CLSTN2: variants seen among roughly 807,000 people sequenced by gnomAD.
CLSTN2 encodes the protein calsyntenin 2.
CLSTN2 carries 48 observed loss-of-function variants against 101.2 expected under a neutral mutation model. The ratio of observed to expected loss-of-function variants is 0.47; its 90% confidence interval spans 0.38 to 0.60. CLSTN2 has a LOEUF of 0.60. Ranked by LOEUF, CLSTN2 falls within the 20% of genes least tolerant of loss-of-function variation. CLSTN2 has a pLI of 0.00. For synonymous variants in CLSTN2, 481 were observed against 463.6 expected (o/e 1.04, Z -0.48); for missense variants, 1,160 against 1,238.2 (o/e 0.94, Z 0.95).
At chr3:140,273,199 C>T (rs1040660400) in intron 2 of CLSTN2, among the ~76,000 whole-genome samples, 2 of 151,754 alleles carry the variant, frequency 1.3e-5, no homozygotes, top group Non-Finnish European at 2.9e-5. Context: ...CAACACATAC[C>T]GGAACCTGTC....
intron 1 of CLSTN2, among the ~76,000 whole-genome samples, chr3:139,965,581 C>A (rs1935585577): frequency 6.6e-6 from 1 of 152,048 alleles, no homozygotes; most frequent in Non-Finnish European, 1.5e-5. Flanking sequence ...CTAGCTATGT[C>A]ATATTGTATC....
In CLSTN2 at chr3:140,183,394, G is replaced by T. The variant is rs115567902; in HGVS notation, c.232+7321G>T. On this transcript the variant is annotated intron_variant, in intron 2 of 16. Transcript: ENST00000458420. ...GAGTGAGTTGGTCACTCTAACAGGA[G>T]ACATGTGGAGTTTCAGGTTAGAACA... 4.1e-3 allele frequency among the ~76,000 whole-genome samples: 628 copies of T among 152,298 alleles called. 3 individuals are homozygous for T. Among genetic ancestry groups the T allele is most frequent in the African/African-American group, 0.014 (594 of 41,552 alleles).
intron 10 of CLSTN2, among the ~76,000 whole-genome samples, chr3:140,547,826 A>G (rs998716195): frequency 6.6e-6 from 1 of 152,128 alleles, no homozygotes; most frequent in Non-Finnish European, 1.5e-5. Flanking sequence ...GTGTGAAAAA[A>G]CAGTCCCTCG....
chr3:140,561,143 C>G (rs1030122267), intron 12 of CLSTN2, among the ~76,000 whole-genome samples: 8 of 151,868 alleles, frequency 5.3e-5, no homozygotes, highest in Admixed American at 4.6e-4. Flanking sequence ...ATTTAGTACA[C>G]TTTATAAATA....
intron 4 of CLSTN2, among the ~76,000 whole-genome samples, chr3:140,420,538 C>T (rs1016003780): frequency 6.6e-6 from 1 of 152,184 alleles, no homozygotes; most frequent in Non-Finnish European, 1.5e-5. Context: ...GTTACTTGGT[C>T]TCTCTTAGAG....
Position 140,566,559 on chromosome 3 carries a change from T to G in CLSTN2, c.*306T>G, listed in dbSNP as rs368230243. The G allele has an allele frequency of 5.4e-4, 213 of 393,512 alleles. 1 individual carries two copies. The East Asian group carries it at 9.8e-3, about 18-fold the overall frequency. 24.4% of individuals were successfully genotyped at this position (393,512 alleles called of 1,614,324 possible). On this transcript the variant is annotated 3_prime_UTR_variant, in exon 17 of 17. Transcript: ENST00000458420. ...TGCAGAGTTTGCCTTTGTTTTTTCC[T>G]GCAGGGAAGAAGGCCCACCTTTGTG...
intron 9 of CLSTN2, among the ~76,000 whole-genome samples, chr3:140,532,690 T>C (rs976993035): frequency 2.0e-5 from 3 of 152,244 alleles, no homozygotes; most frequent in Non-Finnish European, 4.4e-5. Flanking sequence ...GGCCAGATTT[T>C]GATTTTTAGA....
chr3:139,968,919 T>C (rs1384047631), intron 1 of CLSTN2, among the ~76,000 whole-genome samples: 1 of 152,234 alleles, frequency 6.6e-6, no homozygotes, highest in Non-Finnish European at 1.5e-5. Context: ...AACTTTAAGC[T>C]ATAAAAGACA....
chr3:140,564,894 T>C (rs1412960098), intron 16 of CLSTN2, among the ~76,000 whole-genome samples: 1 of 152,114 alleles, frequency 6.6e-6, no homozygotes, highest in African/African-American at 2.4e-5. Context: ...TGGGTTCTGG[T>C]TGATGATAGA....
At chr3:140,260,474 T>A (rs1028140402) in intron 2 of CLSTN2, among the ~76,000 whole-genome samples, 3 of 151,314 alleles carry the variant, frequency 2.0e-5, no homozygotes, top group African/African-American at 7.3e-5. Flanking sequence ...TTTTTCTACA[T>A]CTAATATAAA....
At chr3:139,940,340 T>G (rs896200691) in intron 1 of CLSTN2, among the ~76,000 whole-genome samples, 2 of 152,312 alleles carry the variant, frequency 1.3e-5, no homozygotes, top group South Asian at 4.1e-4. Context: ...TGCTTCCTAG[T>G]TAGATGATCT....
chr3:140,491,487 C>T (rs1031797535), intron 8 of CLSTN2, among the ~76,000 whole-genome samples: 1 of 152,152 alleles, frequency 6.6e-6, no homozygotes, highest in African/African-American at 2.4e-5. Context: ...AAAGGTGTAA[C>T]TTACACATTA....
At chr3:140,047,700 C>T (rs1027109992) in intron 1 of CLSTN2, among the ~76,000 whole-genome samples, 2 of 152,122 alleles carry the variant, frequency 1.3e-5, no homozygotes, top group South Asian at 2.1e-4. Flanking sequence ...CAGGGCATCC[C>T]GTGGTGACGA....
chr3:140,037,350 C>T (rs998286716), intron 1 of CLSTN2, among the ~76,000 whole-genome samples: 3 of 151,886 alleles, frequency 2.0e-5, no homozygotes, highest in African/African-American at 7.3e-5. Context: ...TCTTTTTTCC[C>T]CTAATCAATT....
chr3:140,048,881 T>C (rs1409431613), intron 1 of CLSTN2, among the ~76,000 whole-genome samples: 2 of 152,074 alleles, frequency 1.3e-5, no homozygotes, highest in Non-Finnish European at 2.9e-5. Flanking sequence ...TGCCTCCAGC[T>C]CTCCCAGACT....
chr3:140,290,531 TA>T (rs766775853), intron 2 of CLSTN2, among the ~76,000 whole-genome samples: 50 of 151,634 alleles, frequency 3.3e-4, no homozygotes, highest in Non-Finnish European at 3.1e-4. Context: ...AAGGAGGAGG[TA>T]GGGGGAAGGG....
intron 1 of CLSTN2, among the ~76,000 whole-genome samples, chr3:140,086,258 A>G (rs1468037072): frequency 1.3e-5 from 2 of 152,194 alleles, no homozygotes; most frequent in Non-Finnish European, 2.9e-5. Flanking sequence ...TTGGTTAGCA[A>G]TGTCTGCTAT....
At chr3:140,322,927 A>G (rs897363076) in intron 2 of CLSTN2, among the ~76,000 whole-genome samples, 1 of 152,242 alleles carries the variant, frequency 6.6e-6, no homozygotes, top group Non-Finnish European at 1.5e-5. Context: ...GGGAGAAATA[A>G]AAAACATACC....
chr3:140,400,838 G>A (rs575371456), intron 2 of CLSTN2, among the ~76,000 whole-genome samples: 3 of 152,286 alleles, frequency 2.0e-5, no homozygotes, highest in Admixed American at 6.5e-5. Context: ...TGCCACACTG[G>A]GCCTGCGGTC....
Sources: gnomAD v4.1 joint callset for allele counts (sites outside exome capture counted in the v4.1 genomes callset) on GRCh38, gnomAD v4.1.1 for gene constraint, MANE v1.5 for transcripts, NCBI Gene and HGNC (gene_info 2026-07-23, HGNC 2026-07-21) for gene names.